The following AXDND1 variants were observed in gnomAD, a reference collection of about 807,000 sequenced individuals.
The protein encoded by AXDND1 is axonemal dynein light chain domain-containing protein 1.
In AXDND1, 110 loss-of-function variants were observed where a neutral mutation model predicts 137.5. The observed-to-expected ratio is 0.80, with a 90% CI of 0.69 to 0.94. AXDND1 has a LOEUF of 0.94. AXDND1 is among the 40% of genes least tolerant of loss of function. The probability of loss-of-function intolerance (pLI) is 0.00; values close to 1 mark genes in which losing one functional copy is unlikely to be tolerated. For synonymous variants in AXDND1, 414 were observed against 399.7 expected (o/e 1.04, Z -0.43); for missense variants, 1,191 against 1,169.8 (o/e 1.02, Z -0.26).
At chr1:179,486,886 TTAGAC>T (rs2125557437) in intron 18 of AXDND1, among the ~76,000 whole-genome samples, 1 of 148,630 alleles carries the variant, frequency 6.7e-6, no homozygotes, top group Non-Finnish European at 1.5e-5. Context: ...ACTTGGGTAT[TTAGAC>T]TACTATAAAG....
At chr1:179,408,972 T>C (rs376891095) in intron 11 of AXDND1, among the ~76,000 whole-genome samples, 18 of 43,380 alleles carry the variant, frequency 4.1e-4, no homozygotes, top group Middle Eastern at 0.033. Context: ...TTCTTTCTTT[T>C]TTTTTTTTTT....
At position 179,411,224 on chromosome 1, in the gene AXDND1, A is replaced by G; in HGVS notation, c.1188A>G (p.Glu396=). 1 of 1,613,180 alleles carries G rather than the reference A, an allele frequency of 6.2e-7. No individual in the cohort carries two copies. Among genetic ancestry groups the G allele is most frequent in the Non-Finnish European group, 8.5e-7 (1 of 1,179,680 alleles). ...ATGATATGAAAAAGTTAGTGGCAGA[A>G]AGAGATATCTGGAGCTCAGCCACAT... ...MENDMKKLVA[E]RDIWSSATYE... The change falls in exon 12 of 26, where the codon GAA becomes GAG. Residue 396 remains glutamate (E), a synonymous_variant. Coordinates refer to ENST00000367618, the MANE Select transcript of AXDND1 (RefSeq NM_144696.6).
chr1:179,501,222 C>G (rs10798686), intron 20 of AXDND1, among the ~76,000 whole-genome samples: 1 of 152,002 alleles, frequency 6.6e-6, no homozygotes, highest in Non-Finnish European at 1.5e-5. Flanking sequence ...ATAGCTAACA[C>G]ACTTTTGAAA....
intron 18 of AXDND1, among the ~76,000 whole-genome samples, chr1:179,491,208 G>A (rs547849506): frequency 1.3e-5 from 2 of 152,202 alleles, no homozygotes; most frequent in East Asian, 3.9e-4. Context: ...CTACTCAGGA[G>A]GTTAAGATGG....
At position 179,370,054 on chromosome 1, in the gene AXDND1, C is replaced by T. The variant is rs1424307700; in HGVS notation, c.350C>T (p.Pro117Leu). 3 of 1,612,946 alleles carry T rather than the reference C, an allele frequency of 1.9e-6. No homozygotes were observed. The highest frequency in any genetic ancestry group is 2.5e-6 in the Non-Finnish European group (3 of 1,179,132). Residue 117 changes from proline to leucine, a missense_variant, in exon 4 of 26, where the codon CCC becomes CTC. Pro to Leu is a moderately conservative substitution (Grantham distance 98, BLOSUM62 -3). Transcript: ENST00000367618. ...RNKFKYLIDHPVSLTGAGRDI... is the reference protein window; with the variant it reads ...RNKFKYLIDHLVSLTGAGRDI... ...AAATTCAAATACCTGATTGACCATC[C>T]CGTCTCCCTCACAGGAGCTGGAAGG...
intron 22 of AXDND1, among the ~76,000 whole-genome samples, chr1:179,527,388 C>G (rs1670631274): frequency 6.6e-6 from 1 of 152,160 alleles, no homozygotes; most frequent in Non-Finnish European, 1.5e-5. Context: ...GACCTTTTGT[C>G]TCATCCTATG....
intron 15 of AXDND1, among the ~76,000 whole-genome samples, chr1:179,442,432 C>T (rs1011868864): frequency 6.6e-6 from 1 of 152,180 alleles, no homozygotes; most frequent in Non-Finnish European, 1.5e-5. Flanking sequence ...TTTAATCCTT[C>T]TCCTGCTCTA....
At chr1:179,444,557 C>T (rs1037691079) in intron 15 of AXDND1, among the ~76,000 whole-genome samples, 1 of 151,810 alleles carries the variant, frequency 6.6e-6, no homozygotes, top group African/African-American at 2.4e-5. Context: ...CACAGATAAA[C>T]AAAACATGAA....
intron 15 of AXDND1, among the ~76,000 whole-genome samples, chr1:179,441,383 A>G (rs943436596): frequency 1.7e-4 from 26 of 152,188 alleles, no homozygotes; most frequent in Admixed American, 7.9e-4. Flanking sequence ...AGATTTGTCA[A>G]CTGCCAAATT....
intron 16 of AXDND1, among the ~76,000 whole-genome samples, chr1:179,461,310 C>G (rs548355523): frequency 6.6e-6 from 1 of 152,154 alleles, no homozygotes; most frequent in Non-Finnish European, 1.5e-5. Flanking sequence ...AATAGGGAAT[C>G]CTTTCCCCAT....
At chr1:179,550,503 T>C in intron 25 of AXDND1, 1 of 98,334 alleles carries the variant, frequency 1.0e-5, no homozygotes, top group African/African-American at 2.8e-5. Context: ...CTTTTATTTA[T>C]TTCTTTATTT....
intron 21 of AXDND1, among the ~76,000 whole-genome samples, chr1:179,511,592 T>A (rs1669070204): frequency 6.6e-6 from 1 of 152,202 alleles, no homozygotes; most frequent in African/African-American, 2.4e-5. Flanking sequence ...ATGAGATTGC[T>A]GGATCAAATG....
intron 20 of AXDND1, chr1:179,506,723 CTG>C (rs1668573604): frequency 1.3e-5 from 4 of 313,116 alleles, no homozygotes; most frequent in Non-Finnish European, 1.9e-5. Flanking sequence ...GAGTAAGACT[CTG>C]TGTCAAAAAA....
chr1:179,441,495 C>T (rs554313646), intron 15 of AXDND1, among the ~76,000 whole-genome samples: 1 of 152,322 alleles, frequency 6.6e-6, no homozygotes, highest in Non-Finnish European at 1.5e-5. Flanking sequence ...CTCACCAGTG[C>T]CAGTGCACAT....
intron 12 of AXDND1, among the ~76,000 whole-genome samples, chr1:179,424,109 A>AG (rs1332579574): frequency 6.6e-6 from 1 of 151,606 alleles, no homozygotes; most frequent in Non-Finnish European, 1.5e-5. Flanking sequence ...ACTTTGCTGG[A>AG]TATAGTACTC....
intron 18 of AXDND1, among the ~76,000 whole-genome samples, chr1:179,489,360 A>T (rs1020932240): frequency 1.3e-5 from 2 of 152,164 alleles, no homozygotes; most frequent in Admixed American, 6.5e-5. Context: ...TAACTTTTAA[A>T]TTAAGATAAT....
intron 23 of AXDND1, 131 bp from the exon 24 acceptor site, chr1:179,533,664 A>G (rs930282991): frequency 2.5e-5 from 14 of 558,370 alleles, no homozygotes; most frequent in Non-Finnish European, 3.4e-5. Context: ...GGTGTGCTTA[A>G]CCATCTATTA....
chr1:179,519,516 T>G (rs1669862476), intron 21 of AXDND1, among the ~76,000 whole-genome samples: 2 of 152,202 alleles, frequency 1.3e-5, no homozygotes, highest in Non-Finnish European at 2.9e-5. Flanking sequence ...TTTTATAGTT[T>G]TGGGTTTTAC....
chr1:179,377,105 T>C (rs1267895086), intron 4 of AXDND1, among the ~76,000 whole-genome samples: 3 of 152,116 alleles, frequency 2.0e-5, no homozygotes, highest in African/African-American at 7.2e-5. Flanking sequence ...CTAATTTTTG[T>C]ATTTCTAGTA....
Sources: allele counts gnomAD v4.1 joint callset (sites outside exome capture counted in the v4.1 genomes callset), GRCh38; gene constraint gnomAD v4.1.1; transcripts MANE v1.5; gene names NCBI Gene and HGNC (gene_info 2026-07-23, HGNC 2026-07-21).